The following PCDHGA4 variants were observed in gnomAD, a reference collection of about 807,000 sequenced individuals.
PCDHGA4 encodes the protein protocadherin gamma-A4.
PCDHGA4 carries 38 observed loss-of-function variants against 54.6 expected under a neutral mutation model. The observed-to-expected ratio is 0.70, with a 90% CI of 0.54 to 0.91. The LOEUF is 0.91. Among genes scored for constraint, PCDHGA4 ranks in the 40% least tolerant of loss-of-function variants. The pLI is 0.00. For synonymous variants in PCDHGA4, 511 were observed against 512.9 expected (o/e 1.00, Z 0.05); for missense variants, 1,298 against 1,220.9 (o/e 1.06, Z -0.94).
intron 1 of PCDHGA4, chr5:141,384,038 G>T: frequency 6.2e-7 from 1 of 1,613,110 alleles, no homozygotes; most frequent in South Asian, 1.1e-5. Flanking sequence ...GGAAAGAATG[G>T]TGAGGTGACC....
chr5:141,372,334 G>A (rs757971401), intron 1 of PCDHGA4: 3 of 1,613,766 alleles, frequency 1.9e-6, no homozygotes, highest in Admixed American at 1.7e-5. Context: ...GTCACTGTGC[G>A]TGATGGAGGA....
intron 1 of PCDHGA4, chr5:141,471,461 T>C (rs1409374601): frequency 6.6e-6 from 1 of 152,194 alleles, no homozygotes; most frequent in Non-Finnish European, 1.5e-5. Flanking sequence ...GAAAGATTAC[T>C]CAGGTCTCTG....
Position 141,398,399 on chromosome 5 carries a change from A to G in PCDHGA4, c.2514+40778A>G, listed in dbSNP as rs763282563. 8 of 1,466,584 alleles carry G rather than the reference A, an allele frequency of 5.5e-6. No individual in the cohort carries two copies. In the Admixed American group the frequency reaches 7.2e-5, roughly 13 times the overall value. 90.8% of individuals were successfully genotyped at this position (1,466,584 alleles called of 1,614,324 possible). ...GAGTTGCTTGTGAGCAGCAGGCTAG[A>G]CAGGGAGGAGATATGCGGGAAGAAG... On this transcript the variant is annotated intron_variant, in intron 1 of 3. Coordinates refer to ENST00000571252, the MANE Select transcript of PCDHGA4 (RefSeq NM_018917.4).
intron 1 of PCDHGA4, chr5:141,370,508 C>A: frequency 6.2e-7 from 1 of 1,613,908 alleles, no homozygotes. Context: ...ACGCTATTCC[C>A]GAGGAGCTGG....
intron 1 of PCDHGA4, chr5:141,395,187 T>C: frequency 6.2e-7 from 1 of 1,614,162 alleles, no homozygotes; most frequent in Non-Finnish European, 8.5e-7. Flanking sequence ...TGATTCTTTG[T>C]TAACATCCGT....
chr5:141,395,310 A>G (rs752171326), intron 1 of PCDHGA4: 7 of 1,502,410 alleles, frequency 4.7e-6, no homozygotes. Context: ...TTTGAAAAAC[A>G]TTGTGAAGAT....
At chr5:141,409,036 C>T in intron 1 of PCDHGA4, 1 of 1,614,020 alleles carries the variant, frequency 6.2e-7, no homozygotes, top group Non-Finnish European at 8.5e-7. Context: ...CTGAGATAAA[C>T]TACTACTTCC....
At chr5:141,439,266 G>A (rs1314903524) in intron 1 of PCDHGA4, among the ~76,000 whole-genome samples, 1 of 151,952 alleles carries the variant, frequency 6.6e-6, no homozygotes, top group Non-Finnish European at 1.5e-5. Context: ...TCAGCCAACA[G>A]TTCATTCTGA....
At chr5:141,434,843 G>C (rs1302739038) in intron 1 of PCDHGA4, among the ~76,000 whole-genome samples, 2 of 151,746 alleles carry the variant, frequency 1.3e-5, no homozygotes, top group African/African-American at 4.8e-5. Flanking sequence ...TTATAAAGCA[G>C]ACATCAATAA....
At chr5:141,408,896 G>A (rs1441378199) in intron 1 of PCDHGA4, 5 of 1,613,328 alleles carry the variant, frequency 3.1e-6, no homozygotes, top group East Asian at 2.2e-5. Flanking sequence ...AGAAATTTCT[G>A]TCAAGGATAC....
intron 1 of PCDHGA4, chr5:141,365,848 C>A: frequency 6.2e-7 from 1 of 1,614,008 alleles, no homozygotes; most frequent in Non-Finnish European, 8.5e-7. Flanking sequence ...CCTATGTATC[C>A]ATTAACTCTG....
chr5:141,511,632 G>A lies in PCDHGA4; in HGVS notation c.*459G>A, dbSNP rs1388627906. The A allele has an allele frequency of 8.6e-6, 2 of 231,934 alleles. No homozygotes were observed. The highest frequency in any genetic ancestry group is 5.1e-5 in the Admixed American group (1 of 19,634). 14.4% of individuals were successfully genotyped at this position (231,934 alleles called of 1,614,324 possible). A position where few individuals can be genotyped will look rare whatever the true frequency, so the allele number is the denominator to read the frequency against. On this transcript the variant is annotated 3_prime_UTR_variant, in exon 4 of 4. Transcript: ENST00000571252. ...CCTCCTAGTTCTGAAAAGTTGGAAG[G>A]GCATCATGACCTCTTGGCCTCTCCT...
At chr5:141,370,913 C>T (rs1242230651) in intron 1 of PCDHGA4, 5 of 1,613,884 alleles carry the variant, frequency 3.1e-6, no homozygotes, top group African/African-American at 2.7e-5. Context: ...ACTACCTCAG[C>T]CCTGATCCGC....
In PCDHGA4 at chr5:141,431,930, C is replaced by A. The variant is rs761060241; in HGVS notation, c.2515-62877C>A. 236 of 1,613,932 alleles carry A rather than the reference C, an allele frequency of 1.5e-4. 1 individual carries two copies. The highest frequency in any genetic ancestry group is 1.4e-3 in the South Asian group (124 of 91,086). The stretch of plus-strand genomic sequence containing the variant: ...GATCTGTTTCATCCAAGGAAATCTG[C>A]CCTTTAAATTAGAAAAATCTTACGG... On this transcript the variant is annotated intron_variant, in intron 1 of 3. Transcript: ENST00000571252. This position sits in a 1 kb window ranked among gnomAD's most constrained non-coding sequence, Gnocchi z 4.8.
At chr5:141,423,183 G>GCCCCCTCTCTCGGCCAC (rs760086052) in intron 1 of PCDHGA4, 8 of 1,613,570 alleles carry the variant, frequency 5.0e-6, no homozygotes, top group Non-Finnish European at 6.8e-6. Context: ...ACCACGGCCA[G>GCCCCCTCTCTCGGCCAC]CCCCCTCTCT....
chr5:141,398,855 A>C, intron 1 of PCDHGA4: 1 of 1,613,970 alleles, frequency 6.2e-7, no homozygotes, highest in Non-Finnish European at 8.5e-7. Context: ...CCGGTATTCA[A>C]CCGAGACGTG....
In PCDHGA4 at chr5:141,432,068, C is replaced by G. The variant is rs1297096209; in HGVS notation, c.2515-62739C>G. ...AACCCCGCCCCTATCCACGGAAACT[C>G]ATATCTCGCTGAACGTGGCAGACAC... On this transcript the variant is annotated intron_variant, in intron 1 of 3. Transcript: ENST00000571252. The surrounding 1 kb of genome is among the most constrained non-coding windows in gnomAD (Gnocchi z 6.0). 6.2e-7 allele frequency: 1 copy of G among 1,614,210 alleles called. No individual in the cohort carries two copies. The highest frequency in any genetic ancestry group is 1.7e-5 in the Admixed American group (1 of 60,028).
At chr5:141,385,981 A>G (rs2090416620) in intron 1 of PCDHGA4, 1 of 152,244 alleles carries the variant, frequency 6.6e-6, no homozygotes, top group Non-Finnish European at 1.5e-5. Flanking sequence ...AACCAATAAA[A>G]TATGTCAAAT....
In PCDHGA4 at chr5:141,511,028, T is replaced by G. The variant is rs1279056657; in HGVS notation, c.2744T>G (p.Leu915Arg). The G allele has an allele frequency of 3.7e-6, 6 of 1,614,084 alleles. No individual in the cohort carries two copies. The highest frequency in any genetic ancestry group is 1.7e-5 in the Admixed American group (1 of 60,004). ...LSARYGPQFT[L>R]QHVPDYRQNV... is the part of the protein sequence containing the mutation. The stretch of plus-strand genomic sequence containing the variant: ...GCCCGCTACGGACCCCAGTTCACCC[T>G]GCAGCACGTGCCCGACTACCGCCAG... Residue 915 changes from leucine to arginine, a missense_variant, in exon 4 of 4, where the codon CTG becomes CGG. Physicochemically the swap from Leu to Arg is moderately radical, Grantham distance 102. Transcript: ENST00000571252.
Sources: gnomAD v4.1 joint callset for allele counts (sites outside exome capture counted in the v4.1 genomes callset) on GRCh38, gnomAD v4.1.1 for gene constraint, Gnocchi (gnomAD v3.1) non-coding constraint, MANE v1.5 for transcripts, NCBI Gene and HGNC (gene_info 2026-07-23, HGNC 2026-07-21) for gene names.